The following FGD5 variants were observed in gnomAD, a reference collection of about 807,000 sequenced individuals.
FGD5 encodes the protein FYVE, RhoGEF and PH domain-containing protein 5.
FGD5 carries 28 observed loss-of-function variants against 133.4 expected under a neutral mutation model. That is an observed-to-expected ratio of 0.21 (90% CI 0.16 to 0.29). The LOEUF is 0.29. Ranked by LOEUF, FGD5 falls within the 10% of genes least tolerant of loss-of-function variation. FGD5 has a pLI of 1.00. For missense variants in FGD5, 1,858 were observed against 1,895.2 expected (o/e 0.98, Z 0.36); for synonymous variants, 810 against 776.5 (o/e 1.04, Z -0.72).
At chr3:14,881,597 C>T (rs1260500315) in intron 4 of FGD5, among the ~76,000 whole-genome samples, 1 of 152,254 alleles carries the variant, frequency 6.6e-6, no homozygotes, top group South Asian at 2.1e-4. Flanking sequence ...CCATGGCAGT[C>T]TCAGGCTTCC....
chr3:14,875,656 C>G (rs2037703024), intron 2 of FGD5, among the ~76,000 whole-genome samples: 2 of 151,962 alleles, frequency 1.3e-5, no homozygotes, highest in African/African-American at 2.4e-5. Context: ...GGCTGGAGCT[C>G]AGAGTGAATG....
intron 2 of FGD5, among the ~76,000 whole-genome samples, chr3:14,873,723 C>CT (rs34092618): frequency 0.097 from 12,814 of 132,178 alleles, 735 homozygotes; most frequent in East Asian, 0.38. Context: ...AAGAGCTACA[C>CT]TTTTTTTTTT....
At chr3:14,855,686 A>C (rs1559481651) in intron 1 of FGD5, among the ~76,000 whole-genome samples, 1 of 151,398 alleles carries the variant, frequency 6.6e-6, no homozygotes, top group African/African-American at 2.4e-5. Context: ...CATATCATTT[A>C]CCCATCTTTT....
At chr3:14,866,828 A>G (rs544206788) in intron 2 of FGD5, among the ~76,000 whole-genome samples, 1 of 152,116 alleles carries the variant, frequency 6.6e-6, no homozygotes, top group African/African-American at 2.4e-5. Flanking sequence ...GGGGTCCTTC[A>G]TGTGTCCTGT....
chr3:14,887,380 G>C (rs1163910076), intron 4 of FGD5, among the ~76,000 whole-genome samples: 1 of 151,680 alleles, frequency 6.6e-6, no homozygotes, highest in African/African-American at 2.4e-5. Context: ...CCTTTCTTCA[G>C]ACAAAAAAAA....
In FGD5 at chr3:14,907,731, G is replaced by A. The variant is rs757898822; in HGVS notation, c.3336+20G>A. Reference sequence around the variant, plus strand: ...GGAAGGGTGAGTGCCGCCACCATGGGTAGGGGCAGAGGGTGGCTGGGCGAG... The same window carrying A: ...GGAAGGGTGAGTGCCGCCACCATGGATAGGGGCAGAGGGTGGCTGGGCGAG... On this transcript the variant is annotated intron_variant, in intron 10 of 19. Coordinates refer to ENST00000285046, the MANE Select transcript of FGD5 (RefSeq NM_152536.4). 1.4e-5 allele frequency: 22 copies of A among 1,612,164 alleles called. No homozygotes were observed. The highest frequency in any genetic ancestry group is 9.3e-5 in the African/African-American group (7 of 74,958).
chr3:14,849,039 G>A (rs2037107972), intron 1 of FGD5, among the ~76,000 whole-genome samples: 1 of 152,224 alleles, frequency 6.6e-6, no homozygotes, highest in South Asian at 2.1e-4. Flanking sequence ...GGAGGCAGAT[G>A]GAGTTGGGGA....
Position 14,920,758 on chromosome 3 carries a change from G to A in FGD5, c.3570-1160G>A, listed in dbSNP as rs577619478. On this transcript the variant is annotated intron_variant, in intron 13 of 19. Transcript: ENST00000285046. The stretch of plus-strand genomic sequence containing the variant: ...TTGCGGCTCCTTCCATGCATAGGGA[G>A]TTGAGGCTTGCAAAAGGGTCACACA... Among the ~76,000 whole-genome samples, 285 of 152,350 alleles carry A rather than the reference G, an allele frequency of 1.9e-3. 2 individuals are homozygous for A. Among genetic ancestry groups the A allele is most frequent in the African/African-American group, 6.4e-3 (266 of 41,584 alleles).
intron 1 of FGD5, among the ~76,000 whole-genome samples, chr3:14,827,863 G>A (rs1226289945): frequency 5.3e-5 from 8 of 152,172 alleles, no homozygotes; most frequent in East Asian, 1.9e-4. Context: ...GATTCTACCC[G>A]CCCGGGGCAG....
rs947414768 is a variant in FGD5, at chr3:14,865,565, C to T, written c.2658+1305C>T. On this transcript the variant is annotated intron_variant, in intron 2 of 19. Transcript: ENST00000285046. The stretch of plus-strand genomic sequence containing the variant: ...CACCCCCTTCCCCTCTCACTCATCT[C>T]CCCGCTGCCTCTTCCTCTCTAGGTA... Among the ~76,000 whole-genome samples, 12 of 152,182 alleles carry T rather than the reference C, an allele frequency of 7.9e-5. No homozygotes were observed. In the South Asian group the frequency reaches 2.5e-3, roughly 32 times the overall value.
chr3:14,825,863 A>T (rs1223991673), intron 1 of FGD5, among the ~76,000 whole-genome samples: 1 of 152,194 alleles, frequency 6.6e-6, no homozygotes, highest in Admixed American at 6.5e-5. Context: ...TGTTGGTTAC[A>T]CACTAGAAGC....
chr3:14,872,304 G>C (rs1332314337), intron 2 of FGD5, among the ~76,000 whole-genome samples: 1 of 152,120 alleles, frequency 6.6e-6, no homozygotes, highest in Admixed American at 6.5e-5. Flanking sequence ...AATAAACCAA[G>C]GTTTCACATG....
At chr3:14,923,695 A>G (rs2038732024) in intron 16 of FGD5, among the ~76,000 whole-genome samples, 1 of 152,160 alleles carries the variant, frequency 6.6e-6, no homozygotes, top group Non-Finnish European at 1.5e-5. Context: ...TCTTGGGCCT[A>G]AAACTAAAGT....
intron 4 of FGD5, among the ~76,000 whole-genome samples, chr3:14,886,589 G>A (rs1371577171): frequency 6.6e-6 from 1 of 152,212 alleles, no homozygotes; most frequent in East Asian, 1.9e-4. Context: ...GTGTGGACAC[G>A]GGGAGGGTGA....
chr3:14,933,038 G>A, intron 19 of FGD5, 93 bp from the exon 20 acceptor site: 1 of 1,397,520 alleles, frequency 7.2e-7, no homozygotes, highest in Non-Finnish European at 1.0e-6. Context: ...TTCAAACTAA[G>A]AGGAATCTAC....
chr3:14,815,291 C>T (rs900028058), upstream of FGD5, among the ~76,000 whole-genome samples: 8 of 151,840 alleles, frequency 5.3e-5, no homozygotes, highest in South Asian at 2.1e-4. Flanking sequence ...TCACCACTTT[C>T]GTGTCTTTGC....
chr3:14,847,446 G>A (rs2037071476), intron 1 of FGD5, among the ~76,000 whole-genome samples: 1 of 152,220 alleles, frequency 6.6e-6, no homozygotes, highest in African/African-American at 2.4e-5. Flanking sequence ...AAGTTGGAAA[G>A]CCGAGCCCAA....
intron 1 of FGD5, among the ~76,000 whole-genome samples, chr3:14,828,533 T>A (rs1049576355): frequency 3.9e-5 from 6 of 152,170 alleles, no homozygotes; most frequent in Non-Finnish European, 8.8e-5. Flanking sequence ...TCTCTCTCAT[T>A]TCTGAGTGTA....
chr3:14,901,346 T>G (rs1451644427), intron 9 of FGD5, among the ~76,000 whole-genome samples: 2 of 152,204 alleles, frequency 1.3e-5, no homozygotes, highest in Admixed American at 1.3e-4. Flanking sequence ...TGTAAACTCC[T>G]AGTTCCTGGG....
Sources: gnomAD v4.1 joint callset for allele counts (sites outside exome capture counted in the v4.1 genomes callset) on GRCh38, gnomAD v4.1.1 for gene constraint, MANE v1.5 for transcripts, NCBI Gene and HGNC (gene_info 2026-07-23, HGNC 2026-07-21) for gene names.